KIF18A: variants seen among roughly 807,000 people sequenced by gnomAD.
KIF18A encodes kinesin-like protein KIF18A.
In KIF18A, 67 loss-of-function variants were observed where a neutral mutation model predicts 103.3. The ratio of observed to expected loss-of-function variants is 0.65; its 90% CI spans 0.53 to 0.79. The LOEUF is 0.79. Ranked by LOEUF, KIF18A falls within the 30% of genes least tolerant of loss-of-function variation. The pLI is 0.00. For synonymous variants in KIF18A, 367 were observed against 355.5 expected (o/e 1.03, Z -0.36); for missense variants, 1,032 against 1,062.5 (o/e 0.97, Z 0.40).
chr11:28,096,397 T>C (rs1343225158), intron 2 of KIF18A, among the ~76,000 whole-genome samples: 1 of 152,166 alleles, frequency 6.6e-6, no homozygotes, highest in African/African-American at 2.4e-5. Flanking sequence ...TATTTTACTT[T>C]GTTCTATTTT....
At chr11:28,059,681 C>T (rs1379424980) in intron 12 of KIF18A, among the ~76,000 whole-genome samples, 1 of 152,060 alleles carries the variant, frequency 6.6e-6, no homozygotes, top group Non-Finnish European at 1.5e-5. Context: ...ATCTTCTTGC[C>T]TCCACCTCCC....
chr11:28,021,334 A>C, intron 16 of KIF18A, 52 bp from the exon 17 acceptor site: 2 of 1,241,888 alleles, frequency 1.6e-6, no homozygotes, highest in Non-Finnish European at 2.1e-6. Context: ...TCATTCAAAA[A>C]GTTTTCATCG....
intron 11 of KIF18A, among the ~76,000 whole-genome samples, chr11:28,066,832 T>TATTATATTATATTAC (rs750548865): frequency 6.7e-5 from 10 of 148,872 alleles, no homozygotes; most frequent in South Asian, 2.1e-4. Context: ...TATTATATTA[T>TATTATATTATATTAC]ATGATGCAGT....
intron 15 of KIF18A, among the ~76,000 whole-genome samples, chr11:28,028,305 G>C (rs1188049414): frequency 2.6e-5 from 4 of 151,910 alleles, no homozygotes; most frequent in African/African-American, 7.3e-5. Context: ...AAATATAAAA[G>C]AACAGAAATT....
Position 28,036,478 on chromosome 11 carries a change from T to A in KIF18A, c.2135A>T (p.Lys712Ile). The A allele has an allele frequency of 6.2e-7, 1 of 1,611,260 alleles. No individual in the cohort carries two copies. The highest frequency in any genetic ancestry group is 8.5e-7 in the Non-Finnish European group (1 of 1,178,192). The change falls in exon 14 of 17, where the codon AAA (lysine) becomes ATA (isoleucine). Residue 712 changes from lysine to isoleucine, a missense_variant. Lys to Ile is a moderately radical substitution (Grantham distance 102). Coordinates refer to ENST00000263181, the MANE Select transcript of KIF18A (RefSeq NM_031217.4). ...TACTGTAGACGGATTTTGAAAAGCT[T>A]TTCTACAGTCTTCTGGTGTATATAC... ...PIVYTPEDCR[K>I]AFQNPSTVTL...
At chr11:28,031,185 TATACCCAAAGG>T (rs1184505608) in intron 15 of KIF18A, among the ~76,000 whole-genome samples, 5 of 152,176 alleles carry the variant, frequency 3.3e-5, no homozygotes, top group Non-Finnish European at 5.9e-5. Flanking sequence ...TTACTGGGTA[TATACCCAAAGG>T]ATTATAAATC....
chr11:28,078,192 G>A (rs140784226), intron 9 of KIF18A, among the ~76,000 whole-genome samples: 6 of 152,092 alleles, frequency 3.9e-5, no homozygotes, highest in African/African-American at 1.2e-4. Context: ...GCCAATTTAC[G>A]TCAGTAGCTC....
intron 1 of KIF18A, among the ~76,000 whole-genome samples, chr11:28,103,479 T>C (rs1851469468): frequency 6.6e-6 from 1 of 152,122 alleles, no homozygotes; most frequent in Non-Finnish European, 1.5e-5. Flanking sequence ...TACTTGCTAA[T>C]GTATAAAACA....
intron 10 of KIF18A, 68 bp from the exon 11 acceptor site, chr11:28,069,491 C>A: frequency 7.0e-7 from 1 of 1,425,412 alleles, no homozygotes; most frequent in Admixed American, 2.1e-5. Flanking sequence ...TATTAGTAAA[C>A]TAGTATATTT....
At chr11:28,054,820 T>G (rs1179204326) in intron 13 of KIF18A, among the ~76,000 whole-genome samples, 1 of 152,202 alleles carries the variant, frequency 6.6e-6, no homozygotes, top group East Asian at 1.9e-4. Context: ...AATTATAAAA[T>G]GTAACATGGC....
intron 13 of KIF18A, among the ~76,000 whole-genome samples, chr11:28,051,326 C>T (rs1295702568): frequency 6.6e-6 from 1 of 151,554 alleles, no homozygotes; most frequent in South Asian, 2.1e-4. Context: ...GCTACTGGCC[C>T]TAAGACAGAC....
intron 13 of KIF18A, among the ~76,000 whole-genome samples, chr11:28,042,898 G>T (rs1354937568): frequency 6.6e-6 from 1 of 151,768 alleles, no homozygotes; most frequent in African/African-American, 2.4e-5. Flanking sequence ...AAAGAGTATT[G>T]TATAGCTCAG....
At position 28,062,431 on chromosome 11, in the gene KIF18A, G is replaced by A; in HGVS notation, c.1676C>T (p.Ala559Val). 2 of 1,611,744 alleles carry A rather than the reference G, an allele frequency of 1.2e-6. No individual in the cohort carries two copies. Among genetic ancestry groups the A allele is most frequent in the South Asian group, 2.2e-5 (2 of 90,810 alleles). ...CCTGTGTTGCTGTTCCTGAAGACAAGCTAGATCCATCATATGTCTAATTTG... is the reference window on the plus strand; with the variant it reads ...CCTGTGTTGCTGTTCCTGAAGACAAACTAGATCCATCATATGTCTAATTTG... ...KAQIRHMMDLACLQEQQHRQT... is the reference protein window; with the variant it reads ...KAQIRHMMDLVCLQEQQHRQT... The change falls in exon 12 of 17, where the codon GCT becomes GTT. Residue 559 changes from alanine to valine, a missense_variant. Ala to Val is a moderately conservative substitution (Grantham distance 64, BLOSUM62 0). Transcript: ENST00000263181.
intron 15 of KIF18A, among the ~76,000 whole-genome samples, chr11:28,031,478 C>T (rs990506464): frequency 6.6e-6 from 1 of 151,964 alleles, no homozygotes; most frequent in Non-Finnish European, 1.5e-5. Flanking sequence ...GGGAACTGAA[C>T]AATGAGAACA....
At chr11:28,091,236 C>T (rs1475838894) in intron 4 of KIF18A, among the ~76,000 whole-genome samples, 173 bp downstream of exon 4, 1 of 152,000 alleles carries the variant, frequency 6.6e-6, no homozygotes, top group Non-Finnish European at 1.5e-5. Context: ...AAAAAGTTCA[C>T]TCTATTTTAA....
chr11:28,077,705 T>C lies in KIF18A; in HGVS notation c.1263-536A>G, dbSNP rs764191747. ...AGCCAGTTTTTAGCTTCAGAATTTG[T>C]TATAGTGAAAACAGACCATACGGTT... On this transcript the variant is annotated intron_variant, in intron 9 of 16. Transcript: ENST00000263181. Among the ~76,000 whole-genome samples the C allele has an allele frequency of 3.3e-5, 5 of 152,238 alleles. No homozygotes were observed. In the South Asian group the frequency reaches 8.3e-4, roughly 25 times the overall value.
chr11:28,036,081 A>G (rs2133495876), intron 14 of KIF18A, 136 bp downstream of exon 14: 1 of 585,134 alleles, frequency 1.7e-6, no homozygotes, highest in East Asian at 2.8e-5. Context: ...AGAGAGAAAG[A>G]TAATTAAAAT....
rs114273698 is a variant in KIF18A at position 28,074,586 on chromosome 11, A to G, written c.1425+2421T>C. ...AATAGCTACTGACAAACTGGTATCA[A>G]TGATACATTACTGAATGCTTTATGA... On this transcript the variant is annotated intron_variant, in intron 10 of 16. Transcript: ENST00000263181. Among the ~76,000 whole-genome samples the G allele has an allele frequency of 5.0e-3, 758 of 152,274 alleles. 7 individuals are homozygous for G. Among genetic ancestry groups the G allele is most frequent in the African/African-American group, 0.017 (686 of 41,574 alleles).
rs527509222 is a variant in KIF18A at position 28,058,856 on chromosome 11, A to G, written c.1948+70T>C. 26 of 1,138,940 alleles carry G rather than the reference A, an allele frequency of 2.3e-5. No homozygotes were observed. The African/African-American group carries it at 2.5e-4, about 11-fold the overall frequency. The allele number at this position is 1,138,940 out of a possible 1,614,324, so 70.6% of individuals were successfully genotyped here. A position where few individuals can be genotyped will look rare whatever the true frequency, so the allele number is the denominator to read the frequency against. On this transcript the variant is annotated intron_variant, in intron 13 of 16. Transcript: ENST00000263181. ...CAAACCTATTAAAATTAACTGTTCT[A>G]TAGATTGATATACAAAGGTTCTCTT... is the stretch of plus-strand genomic sequence containing the variant.
Sources: gnomAD v4.1 joint callset for allele counts (sites outside exome capture counted in the v4.1 genomes callset) on GRCh38, gnomAD v4.1.1 for gene constraint, MANE v1.5 for transcripts, NCBI Gene and HGNC (gene_info 2026-07-23, HGNC 2026-07-21) for gene names.